FOCAD: variants seen among roughly 807,000 people sequenced by gnomAD.
The protein encoded by FOCAD is focadhesin.
Under a neutral mutation model 225.6 loss-of-function variants are expected in FOCAD, and 198 were observed. The ratio of observed to expected loss-of-function variants is 0.88; its 90% CI spans 0.78 to 0.99. FOCAD has a LOEUF of 0.99. Among genes scored for constraint, FOCAD ranks in the 50% least tolerant of loss-of-function variants. The pLI is 0.00. For synonymous variants in FOCAD, 897 were observed against 755.0 expected, an observed-to-expected ratio of 1.19 and a Z score of -3.08; for missense variants, 2,713 against 2,123.6, an observed-to-expected ratio of 1.28 and a Z score of -5.46.
chr9:20,783,058 AT>A (rs1819549704), intron 10 of FOCAD, among the ~76,000 whole-genome samples: 1 of 152,202 alleles, frequency 6.6e-6, no homozygotes, highest in Non-Finnish European at 1.5e-5. Flanking sequence ...ATGTAGAACA[AT>A]GATTGGATCT....
At chr9:20,802,115 T>C (rs747259103) in intron 11 of FOCAD, among the ~76,000 whole-genome samples, 31 of 152,226 alleles carry the variant, frequency 2.0e-4, no homozygotes, top group Non-Finnish European at 3.2e-4. Context: ...AGGCAGGTAG[T>C]TAAGAAGTGA....
intron 27 of FOCAD, among the ~76,000 whole-genome samples, chr9:20,932,363 G>C (rs1054304987): frequency 1.3e-5 from 2 of 152,130 alleles, no homozygotes; most frequent in African/African-American, 2.4e-5. Flanking sequence ...GGAACCTGTA[G>C]CTACTAAAAT....
chr9:20,849,948 G>A (rs1827487031), intron 15 of FOCAD, among the ~76,000 whole-genome samples: 1 of 151,758 alleles, frequency 6.6e-6, no homozygotes, highest in African/African-American at 2.4e-5. Flanking sequence ...TTGATTTTTG[G>A]GGAAGCATTT....
intron 11 of FOCAD, among the ~76,000 whole-genome samples, chr9:20,797,894 G>A (rs1821310913): frequency 6.6e-6 from 1 of 152,152 alleles, no homozygotes; most frequent in Non-Finnish European, 1.5e-5. Flanking sequence ...TCGAATGGGA[G>A]TGGTGAGAGA....
chr9:20,793,675 G>T (rs1249962042), intron 11 of FOCAD, among the ~76,000 whole-genome samples: 2 of 152,188 alleles, frequency 1.3e-5, no homozygotes, highest in Non-Finnish European at 2.9e-5. Flanking sequence ...ACTGCATTCA[G>T]AACAGTGGAG....
intron 1 of FOCAD, among the ~76,000 whole-genome samples, chr9:20,698,090 A>C (rs1033676224): frequency 6.6e-6 from 1 of 152,254 alleles, no homozygotes; most frequent in Non-Finnish European, 1.5e-5. Context: ...CATGGTTTCA[A>C]GTGAATAAAT....
intron 1 of FOCAD, among the ~76,000 whole-genome samples, chr9:20,714,211 A>G (rs1322002053): frequency 6.6e-6 from 1 of 152,190 alleles, no homozygotes; most frequent in Non-Finnish European, 1.5e-5. Context: ...TGAAAATCCA[A>G]AGTGCTCCAA....
Position 20,758,072 on chromosome 9 carries a change from A to T in FOCAD, c.393-18A>T. On this transcript the variant is annotated intron_variant, in intron 5 of 43. Coordinates refer to ENST00000338382, the MANE Select transcript of FOCAD (RefSeq NM_001375567.1). ...GTCCTGAATAACAGGTTCCCATGTG[A>T]CTTTCTGTGTCTTTCAGAAATCATC... The T allele has an allele frequency of 6.4e-7, 1 of 1,565,270 alleles. No homozygotes were observed. The highest frequency in any genetic ancestry group is 8.7e-7 in the Non-Finnish European group (1 of 1,146,498).
chr9:20,967,693 G>C (rs992942430), intron 35 of FOCAD, among the ~76,000 whole-genome samples: 1 of 151,998 alleles, frequency 6.6e-6, no homozygotes, highest in African/African-American at 2.4e-5. Context: ...TCGGAAAAGG[G>C]TGTTTGTCAA....
intron 18 of FOCAD, among the ~76,000 whole-genome samples, chr9:20,868,295 C>A (rs1468219201): frequency 3.9e-5 from 6 of 152,112 alleles, no homozygotes; most frequent in Admixed American, 1.3e-4. Flanking sequence ...TCATTTAAAT[C>A]ACAGCATAAA....
intron 15 of FOCAD, among the ~76,000 whole-genome samples, chr9:20,833,480 A>G (rs1825710931): frequency 6.6e-6 from 1 of 152,110 alleles, no homozygotes. Context: ...CTTTCTCTTG[A>G]TAAGACAGGA....
intron 27 of FOCAD, among the ~76,000 whole-genome samples, chr9:20,931,775 G>A (rs1230316112): frequency 6.6e-6 from 1 of 152,114 alleles, no homozygotes; most frequent in African/African-American, 2.4e-5. Context: ...GCAGATGCCT[G>A]TAGTCCCAGC....
chr9:20,891,952 A>C (rs1017037282), intron 21 of FOCAD, among the ~76,000 whole-genome samples: 2 of 152,204 alleles, frequency 1.3e-5, no homozygotes, highest in East Asian at 1.9e-4. Context: ...CTGATGACTT[A>C]AGTTGAAGCC....
At chr9:20,711,557 A>C (rs886963357) in intron 1 of FOCAD, among the ~76,000 whole-genome samples, 1 of 152,212 alleles carries the variant, frequency 6.6e-6, no homozygotes, top group Non-Finnish European at 1.5e-5. Context: ...AACTAAGATG[A>C]TGAGTGTAGA....
intron 21 of FOCAD, among the ~76,000 whole-genome samples, chr9:20,888,695 G>C (rs1233118640): frequency 6.6e-6 from 1 of 152,146 alleles, no homozygotes; most frequent in Non-Finnish European, 1.5e-5. Context: ...CCCAGTGGGA[G>C]GTGACTGAAT....
intron 15 of FOCAD, among the ~76,000 whole-genome samples, chr9:20,841,235 C>T (rs1826493234): frequency 6.6e-6 from 1 of 151,684 alleles, no homozygotes; most frequent in African/African-American, 2.4e-5. Context: ...GTGATACTGG[C>T]CTTGTAGAAT....
chr9:20,880,638 C>A (rs1830591124), intron 19 of FOCAD, among the ~76,000 whole-genome samples: 1 of 152,114 alleles, frequency 6.6e-6, no homozygotes, highest in Non-Finnish European at 1.5e-5. Flanking sequence ...AATGGAGAAT[C>A]TTGATTGCAT....
chr9:20,995,111 AT>A (rs1841960672), intron 43 of FOCAD, among the ~76,000 whole-genome samples: 1 of 152,302 alleles, frequency 6.6e-6, no homozygotes, highest in African/African-American at 2.4e-5. Context: ...TACTTGCTCC[AT>A]TGAGTACATG....
At chr9:20,694,889 G>C (rs995994098) in intron 1 of FOCAD, among the ~76,000 whole-genome samples, 1 of 152,116 alleles carries the variant, frequency 6.6e-6, no homozygotes, top group Non-Finnish European at 1.5e-5. Context: ...TCTCAGTTGG[G>C]CCAAGATTGT....
Sources: allele counts gnomAD v4.1 joint callset (sites outside exome capture counted in the v4.1 genomes callset), GRCh38; gene constraint gnomAD v4.1.1; transcripts MANE v1.5; gene names NCBI Gene and HGNC (gene_info 2026-07-23, HGNC 2026-07-21).